The following MIS18A variants were observed in gnomAD, a reference collection of about 807,000 sequenced individuals.
MIS18A encodes the protein MIS18 kinetochore protein A.
A neutral mutation model predicts 25.0 loss-of-function variants in MIS18A; 14 were observed. The observed-to-expected ratio is 0.56, with a 90% CI of 0.37 to 0.88. MIS18A has a LOEUF of 0.88. Among genes scored for constraint, MIS18A ranks in the 40% least tolerant of loss-of-function variants. MIS18A has a pLI of 0.00. For synonymous variants in MIS18A, 134 were observed against 118.6 expected (o/e 1.13, Z -0.84); for missense variants, 292 against 290.8 (o/e 1.00, Z -0.03).
chr21:32,272,601 G>A (rs920747430), intron 2 of MIS18A, among the ~76,000 whole-genome samples: 1 of 152,218 alleles, frequency 6.6e-6, no homozygotes, highest in African/African-American at 2.4e-5. Flanking sequence ...ACCTCAGGCA[G>A]AGAACCAGCC....
At chr21:32,162,657 C>T in the MIS18A span, among the ~76,000 whole-genome samples, 1 of 152,210 alleles carries the variant, frequency 6.6e-6, no homozygotes, top group Non-Finnish European at 1.5e-5. Flanking sequence ...GGATACTTTC[C>T]TATTCATCTT....
chr21:32,230,880 A>G, the MIS18A span, among the ~76,000 whole-genome samples: 5 of 152,242 alleles, frequency 3.3e-5, no homozygotes, highest in African/African-American at 1.2e-4. Flanking sequence ...ATACACATAT[A>G]TGATTGCATC....
At chr21:32,246,624 A>T in the MIS18A span, among the ~76,000 whole-genome samples, 7 of 152,118 alleles carry the variant, frequency 4.6e-5, no homozygotes, top group African/African-American at 7.2e-5. Context: ...TCATTCCAGA[A>T]CTCAGAGTTG....
At chr21:32,269,552 C>T (rs2031674262) in intron 4 of MIS18A, 155 bp downstream of exon 4, 2 of 547,740 alleles carry the variant, frequency 3.7e-6, no homozygotes, top group South Asian at 2.9e-5. Context: ...TTTTGAGTTC[C>T]CCAAAAATCA....
At chr21:32,204,708 G>A in the MIS18A span, among the ~76,000 whole-genome samples, 2 of 151,874 alleles carry the variant, frequency 1.3e-5, no homozygotes, top group Admixed American at 1.3e-4. Context: ...CCAACATGGT[G>A]AAACCCTGTC....
chr21:32,265,826 A>G (rs1326170095), downstream of MIS18A, among the ~76,000 whole-genome samples: 1 of 152,218 alleles, frequency 6.6e-6, no homozygotes, highest in Non-Finnish European at 1.5e-5. Flanking sequence ...GAGTCTTTAT[A>G]TCTAGCTCAA....
the MIS18A span, among the ~76,000 whole-genome samples, chr21:32,203,962 A>G: frequency 1.3e-5 from 2 of 152,064 alleles, no homozygotes; most frequent in Non-Finnish European, 2.9e-5. Context: ...AATGGAAGAC[A>G]AGGCCCAATC....
chr21:32,221,593 T>C, the MIS18A span, among the ~76,000 whole-genome samples: 9 of 151,570 alleles, frequency 5.9e-5, no homozygotes, highest in South Asian at 4.2e-4. Context: ...AATAAACAAC[T>C]AGTGGTCCAG....
intron 2 of MIS18A, among the ~76,000 whole-genome samples, chr21:32,272,929 T>C (rs1276557124): frequency 6.6e-6 from 1 of 152,174 alleles, no homozygotes; most frequent in Non-Finnish European, 1.5e-5. Context: ...TTACTGCTAA[T>C]TAGTCCTGTG....
At chr21:32,231,479 C>T in the MIS18A span, among the ~76,000 whole-genome samples, 2 of 152,120 alleles carry the variant, frequency 1.3e-5, no homozygotes, top group African/African-American at 4.8e-5. Context: ...CCAGTCACAA[C>T]CACAATGCGA....
Position 32,268,941 on chromosome 21 carries a change from T to TTC in MIS18A, c.*95_*96insGA. ...GCATGCCTGGCTAATTTTTTTTTTC[T>TTC]TTTTTTTTTTGTAGAGACGACGTCT... is the stretch of plus-strand genomic sequence containing the variant. On this transcript the variant is annotated 3_prime_UTR_variant, in exon 5 of 5. Transcript: ENST00000290130. The TTC allele has an allele frequency of 6.4e-6, 3 of 472,394 alleles. No individual in the cohort carries two copies. Among genetic ancestry groups the TTC allele is most frequent in the Non-Finnish European group, 6.5e-6 (2 of 306,680 alleles). 29.3% of individuals were successfully genotyped at this position (472,394 alleles called of 1,614,324 possible).
chr21:32,163,558 C>A, the MIS18A span, among the ~76,000 whole-genome samples: 4 of 152,170 alleles, frequency 2.6e-5, no homozygotes, highest in African/African-American at 9.6e-5. Flanking sequence ...GCTCTGCCTG[C>A]CCTTTGACAC....
the MIS18A span, among the ~76,000 whole-genome samples, chr21:32,223,048 C>T: frequency 5.3e-5 from 8 of 151,316 alleles, no homozygotes; most frequent in Admixed American, 6.6e-5. Context: ...ACAAAATTAA[C>T]GCAGATATAA....
the MIS18A span, among the ~76,000 whole-genome samples, chr21:32,242,620 T>C: frequency 6.6e-6 from 1 of 152,238 alleles, no homozygotes; most frequent in Non-Finnish European, 1.5e-5. Context: ...GTCTGTATTC[T>C]TGAATGTAGA....
At chr21:32,218,048 C>T in the MIS18A span, among the ~76,000 whole-genome samples, 3 of 151,830 alleles carry the variant, frequency 2.0e-5, no homozygotes, top group Admixed American at 2.0e-4. Flanking sequence ...AAAAAATTAG[C>T]CGGGCATGGT....
the MIS18A span, among the ~76,000 whole-genome samples, chr21:32,230,061 G>C: frequency 6.6e-6 from 1 of 152,134 alleles, no homozygotes; most frequent in East Asian, 1.9e-4. Context: ...AACTCAAGTC[G>C]TCTGACCATT....
chr21:32,181,327 C>T, the MIS18A span, among the ~76,000 whole-genome samples: 1 of 152,066 alleles, frequency 6.6e-6, no homozygotes, highest in East Asian at 1.9e-4. Flanking sequence ...GGTAGTAGAT[C>T]GTAGGACTCT....
the MIS18A span, among the ~76,000 whole-genome samples, chr21:32,255,976 T>C: frequency 6.6e-6 from 1 of 152,170 alleles, no homozygotes; most frequent in Non-Finnish European, 1.5e-5. Context: ...ATCTATTTTA[T>C]CTCATCCCTA....
At position 32,269,006 on chromosome 21, in the gene MIS18A, C is replaced by G. The variant is rs201313530; in HGVS notation, c.*31G>C. ...ATTTAACAAATAAGGGGAGGAAGGG[C>G]GGGGGCAGAATGGAGGACACAGACT... On this transcript the variant is annotated 3_prime_UTR_variant, in exon 5 of 5. Transcript: ENST00000290130. 2.7e-6 allele frequency: 4 copies of G among 1,458,602 alleles called. No homozygotes were observed. In the East Asian group the frequency reaches 9.3e-5, roughly 34 times the overall value. 90.4% of individuals were successfully genotyped at this position (1,458,602 alleles called of 1,614,324 possible). A position where few individuals can be genotyped will look rare whatever the true frequency, so the allele number is the denominator to read the frequency against.
Sources: gnomAD v4.1 joint callset for allele counts (sites outside exome capture counted in the v4.1 genomes callset) on GRCh38, gnomAD v4.1.1 for gene constraint, MANE v1.5 for transcripts, NCBI Gene and HGNC (gene_info 2026-07-23, HGNC 2026-07-21) for gene names.